DNAH9: variants seen among roughly 807,000 people sequenced by gnomAD.
DNAH9 encodes the protein dynein axonemal heavy chain 9, also known as DNAH9 variant protein.
Under a neutral mutation model 471.6 loss-of-function variants are expected in DNAH9, and 345 were observed. The ratio of observed to expected loss-of-function variants is 0.73; its 90% confidence interval spans 0.67 to 0.80. DNAH9 has a LOEUF of 0.80. Among genes scored for constraint, DNAH9 ranks in the 30% least tolerant of loss-of-function variants. The pLI, the probability that DNAH9 is intolerant of heterozygous loss-of-function variation, is 0.00. For missense variants in DNAH9, 5,407 were observed against 5,609.2 expected (o/e 0.96, Z 1.15); for synonymous variants, 2,093 against 2,123.6 (o/e 0.99, Z 0.40).
chr17:11,736,420 C>T (rs973268745), intron 28 of DNAH9, among the ~76,000 whole-genome samples: 2 of 152,148 alleles, frequency 1.3e-5, no homozygotes, highest in African/African-American at 4.8e-5. Flanking sequence ...TGTGTACTTC[C>T]GTCTGGCTGG....
intron 29 of DNAH9, among the ~76,000 whole-genome samples, chr17:11,739,437 ACTTT>A (rs2075400059): frequency 6.6e-6 from 1 of 152,216 alleles, no homozygotes; most frequent in South Asian, 2.1e-4. Context: ...AAATATTAAG[ACTTT>A]CTAACATTTA....
rs2073945199 is a variant in DNAH9, at chr17:11,669,754, C to T, written c.3313C>T (p.Leu1105Phe). Residue 1105 changes from leucine (L) to phenylalanine (F), a missense_variant, in exon 17 of 69, where the codon CTC becomes TTC. Physicochemically the swap from Leu to Phe is conservative, Grantham distance 22 (BLOSUM62 0). Transcript: ENST00000262442. ...GCTGAATATTATTAAGAGGTGGAGC[C>T]TCCTGTTCAAACAGCATCTTGTGGA... ...SLLNIIKRWSLLFKQHLVDHV... is the reference protein window; with the variant it reads ...SLLNIIKRWSFLFKQHLVDHV... The T allele has an allele frequency of 1.2e-6, 2 of 1,614,052 alleles. No individual in the cohort carries two copies. Among genetic ancestry groups the T allele is most frequent in the Non-Finnish European group, 1.7e-6 (2 of 1,180,028 alleles).
At chr17:11,859,736 A>G (rs933931200) in intron 50 of DNAH9, among the ~76,000 whole-genome samples, 2 of 152,132 alleles carry the variant, frequency 1.3e-5, no homozygotes, top group Admixed American at 6.6e-5. Flanking sequence ...AAGAGAGAGA[A>G]GAGGGAGGTC....
intron 19 of DNAH9, among the ~76,000 whole-genome samples, chr17:11,681,235 G>C (rs931445042): frequency 2.0e-5 from 3 of 152,142 alleles, no homozygotes; most frequent in Admixed American, 2.0e-4. Context: ...TGTTCTTTTG[G>C]TTTTAAAAAG....
In DNAH9 at chr17:11,883,610, G is replaced by A; in HGVS notation, c.10831G>A (p.Gly3611Arg). 6.2e-7 allele frequency: 1 copy of A among 1,614,102 alleles called. No individual in the cohort carries two copies. The highest frequency in any genetic ancestry group is 8.5e-7 in the Non-Finnish European group (1 of 1,180,012). Residue 3611 changes from glycine to arginine, a missense_variant, in exon 56 of 69, where the codon GGA becomes AGA. Gly to Arg is a moderately radical substitution (Grantham distance 125, BLOSUM62 -2). This residue lies in a region of DNAH9 where 4,636 missense variants were observed against 4,900.3 expected (regional missense o/e 0.95). Transcript: ENST00000262442. ...GTCCGATCTCACAAAGCAGCAGAAT[G>A]GATTCAAAATTACCCTGAAAACGTT... The part of the protein sequence containing the change: ...LKSDLTKQQN[G>R]FKITLKTLED...
At chr17:11,923,468 C>T (rs1399080483) in intron 61 of DNAH9, among the ~76,000 whole-genome samples, 4 of 152,172 alleles carry the variant, frequency 2.6e-5, no homozygotes, top group Non-Finnish European at 5.9e-5. Flanking sequence ...CCCACCACCA[C>T]GCCCAGCTAA....
intron 66 of DNAH9, among the ~76,000 whole-genome samples, chr17:11,941,435 T>C (rs182131456): frequency 1.6e-3 from 246 of 152,284 alleles, no homozygotes; most frequent in African/African-American, 5.7e-3. Context: ...GCTTACTCAT[T>C]TATTCCAAAA....
chr17:11,671,246 G>T (rs2073966736), intron 17 of DNAH9, among the ~76,000 whole-genome samples: 2 of 152,194 alleles, frequency 1.3e-5, no homozygotes, highest in African/African-American at 4.8e-5. Flanking sequence ...GCACAGCAAG[G>T]CTACAGAGCA....
At chr17:11,861,684 C>T (rs1340379318) in intron 50 of DNAH9, among the ~76,000 whole-genome samples, 4 of 151,860 alleles carry the variant, frequency 2.6e-5, no homozygotes, top group Non-Finnish European at 4.4e-5. Flanking sequence ...TCTCCAGCAC[C>T]TGTTGTTTCC....
intron 41 of DNAH9, among the ~76,000 whole-genome samples, chr17:11,792,112 T>C (rs1217031412): frequency 6.6e-6 from 1 of 151,836 alleles, no homozygotes; most frequent in South Asian, 2.1e-4. Flanking sequence ...AGAAACCCCA[T>C]CTCTACTAAA....
In DNAH9 at chr17:11,871,626, G is replaced by A. The variant is rs1330336438; in HGVS notation, c.10082G>A (p.Arg3361Lys). The part of the protein sequence containing the change: ...LVGGLASENV[R>K]WADAVQNFKQ... Reference sequence around the variant, plus strand: ...GGAGGACTCGCTTCTGAAAACGTGAGGTGGGCAGATGCCGTGCAGAACTTC... The same window carrying A: ...GGAGGACTCGCTTCTGAAAACGTGAAGTGGGCAGATGCCGTGCAGAACTTC... Residue 3361 changes from arginine (R) to lysine (K), a missense_variant, in exon 52 of 69, where the codon AGG (arginine) becomes AAG (lysine). Transcript: ENST00000262442. 1 of 1,614,142 alleles carries A rather than the reference G, an allele frequency of 6.2e-7. No individual in the cohort carries two copies. Among genetic ancestry groups the A allele is most frequent in the East Asian group, 2.2e-5 (1 of 44,878 alleles).
At chr17:11,635,984 T>TTTTG (rs1555553261) in intron 8 of DNAH9, among the ~76,000 whole-genome samples, 16 of 128,924 alleles carry the variant, frequency 1.2e-4, no homozygotes, top group African/African-American at 4.0e-4. Context: ...GTTTTGTTTT[T>TTTTG]TTTGTTTGTT....
intron 49 of DNAH9, among the ~76,000 whole-genome samples, chr17:11,846,316 T>C (rs1971222553): frequency 6.8e-6 from 1 of 146,528 alleles, no homozygotes; most frequent in Non-Finnish European, 1.5e-5. Flanking sequence ...TAGTTGTAGA[T>C]ATGCGGCGTT....
At chr17:11,801,190 A>G (rs1450104342) in intron 43 of DNAH9, among the ~76,000 whole-genome samples, 2 of 152,244 alleles carry the variant, frequency 1.3e-5, no homozygotes, top group Non-Finnish European at 2.9e-5. Flanking sequence ...CACACTCCTC[A>G]TAAATAGGTA....
At position 11,969,646 on chromosome 17, in the gene DNAH9, T is replaced by C. The variant is rs1211969258; in HGVS notation, c.*119T>C. 1.2e-6 allele frequency: 1 copy of C among 814,472 alleles called. No individual in the cohort carries two copies. 50.5% of individuals were successfully genotyped at this position (814,472 alleles called of 1,614,324 possible). On this transcript the variant is annotated 3_prime_UTR_variant, in exon 69 of 69. Transcript: ENST00000262442. The stretch of plus-strand genomic sequence containing the variant: ...GGTAAGAAACCATGAGCACTCACAA[T>C]TCTGTAGAATTCCTCTAGGGAACTT...
intron 36 of DNAH9, among the ~76,000 whole-genome samples, chr17:11,764,067 C>A (rs931104142): frequency 1.3e-5 from 2 of 152,152 alleles, no homozygotes; most frequent in African/African-American, 4.8e-5. Flanking sequence ...ACTATCATAT[C>A]TCCATACGCG....
rs372894374 is a variant in DNAH9, at chr17:11,794,984, T to G, written c.8223+1320T>G. On this transcript the variant is annotated intron_variant, in intron 42 of 68. Coordinates refer to ENST00000262442, the MANE Select transcript of DNAH9 (RefSeq NM_001372.4). ...GATATAACTAATGTAAATGATGAGT[T>G]AATAGGTGCAGCACACCAACATGGC... 2.0e-5 allele frequency among the ~76,000 whole-genome samples: 3 copies of G among 151,674 alleles called. No homozygotes were observed. The East Asian group carries it at 5.8e-4, about 30-fold the overall frequency.
At chr17:11,834,285 C>T (rs547716466) in intron 48 of DNAH9, among the ~76,000 whole-genome samples, 4 of 135,998 alleles carry the variant, frequency 2.9e-5, no homozygotes, top group South Asian at 4.7e-4. Context: ...GCCGAGATCA[C>T]GCCACTGAAT....
intron 67 of DNAH9, among the ~76,000 whole-genome samples, chr17:11,943,942 A>G (rs1975029877): frequency 6.6e-6 from 1 of 152,134 alleles, no homozygotes; most frequent in Non-Finnish European, 1.5e-5. Context: ...ACGCAGGTAT[A>G]TATCAGTAAC....
Sources: allele counts gnomAD v4.1 joint callset (sites outside exome capture counted in the v4.1 genomes callset), GRCh38; gene constraint gnomAD v4.1.1; regional missense constraint gnomAD v4.1.1; transcripts MANE v1.5; gene names NCBI Gene and HGNC (gene_info 2026-07-23, HGNC 2026-07-21).